The following PPM1E variants were observed in gnomAD, a reference collection of about 807,000 sequenced individuals.
PPM1E encodes protein phosphatase, Mg2+/Mn2+ dependent 1E, also known as protein phosphatase 1E.
A neutral mutation model predicts 65.9 loss-of-function variants in PPM1E; 20 were observed. That is an observed-to-expected ratio of 0.30 (90% confidence interval 0.21 to 0.44). The LOEUF (loss-of-function observed/expected upper bound fraction) is 0.44. Ranked by LOEUF, PPM1E falls within the 20% of genes least tolerant of loss-of-function variation. The probability of loss-of-function intolerance (pLI) is 1.00; values close to 1 mark genes in which losing one functional copy is unlikely to be tolerated. For missense variants in PPM1E, 713 were observed against 953.1 expected (o/e 0.75, Z 3.32); for synonymous variants, 352 against 374.9 (o/e 0.94, Z 0.70).
intron 1 of PPM1E, among the ~76,000 whole-genome samples, chr17:58,767,899 C>G (rs1400038278): frequency 6.6e-6 from 1 of 152,104 alleles, no homozygotes; most frequent in Non-Finnish European, 1.5e-5. Flanking sequence ...ACCTCGGCCT[C>G]CCAAAGTGCT....
intron 1 of PPM1E, among the ~76,000 whole-genome samples, chr17:58,810,853 T>A: frequency 6.6e-6 from 1 of 152,026 alleles, no homozygotes; most frequent in Admixed American, 6.6e-5. Flanking sequence ...ATATGGTCGG[T>A]TTTCTGTTCT....
chr17:58,881,166 T>A (rs539685994), intron 1 of PPM1E, among the ~76,000 whole-genome samples: 1 of 152,334 alleles, frequency 6.6e-6, no homozygotes, highest in South Asian at 2.1e-4. Context: ...TCCTTCTTTT[T>A]CTTTCTCTTT....
intron 1 of PPM1E, among the ~76,000 whole-genome samples, chr17:58,805,980 A>AAAAAC (rs1422405569): frequency 2.0e-4 from 22 of 107,928 alleles, no homozygotes; most frequent in African/African-American, 5.0e-4. Context: ...AAAACAAAAA[A>AAAAAC]AAAACAAAAC....
Position 58,985,178 on chromosome 17 carries a change from C to T in PPM1E, c.*4147C>T, listed in dbSNP as rs2031683007. 1 of 152,522 alleles carries T rather than the reference C, an allele frequency of 6.6e-6. No individual in the cohort carries two copies. Among genetic ancestry groups the T allele is most frequent in the Admixed American group, 6.5e-5 (1 of 15,270 alleles). 9.4% of individuals were successfully genotyped at this position (152,522 alleles called of 1,614,324 possible). A position where few individuals can be genotyped will look rare whatever the true frequency, so the allele number is the denominator to read the frequency against. On this transcript the variant is annotated 3_prime_UTR_variant, in exon 7 of 7. Transcript: ENST00000308249. ...TAATAAAACCTGGCAATTTAAAAAC[C>T]ACTAGTCATTTGTCTTTTTATTTAA...
chr17:58,877,995 T>C (rs928765922), intron 1 of PPM1E, among the ~76,000 whole-genome samples: 1 of 151,690 alleles, frequency 6.6e-6, no homozygotes, highest in Non-Finnish European at 1.5e-5. Flanking sequence ...AAAAAAATTA[T>C]GGTTCTGTTT....
In PPM1E at chr17:58,784,285, A is replaced by T. The variant is rs945069360; in HGVS notation, c.464+27824A>T. On this transcript the variant is annotated intron_variant, in intron 1 of 6. Transcript: ENST00000308249. ...TGTTCTGCCTACCGAGGCCTCTCAAAGTGCTGGGATTACAGGCATGAGCCA... is the reference window on the plus strand; with the variant it reads ...TGTTCTGCCTACCGAGGCCTCTCAATGTGCTGGGATTACAGGCATGAGCCA... 2.0e-5 allele frequency among the ~76,000 whole-genome samples: 3 copies of T among 152,162 alleles called. No individual in the cohort carries two copies. The South Asian group carries it at 6.2e-4, about 32-fold the overall frequency.
At chr17:58,781,343 A>G (rs548733243) in intron 1 of PPM1E, among the ~76,000 whole-genome samples, 1 of 151,644 alleles carries the variant, frequency 6.6e-6, no homozygotes, top group African/African-American at 2.4e-5. Flanking sequence ...GTTTTGCCAC[A>G]TTGGCCAAGC....
intron 1 of PPM1E, among the ~76,000 whole-genome samples, chr17:58,887,913 C>T (rs1000979932): frequency 2.6e-5 from 4 of 152,092 alleles, no homozygotes; most frequent in Non-Finnish European, 5.9e-5. Context: ...GGGAAGTAGT[C>T]TTGAGGCAGT....
At chr17:58,836,817 C>T (rs1426929366) in intron 1 of PPM1E, among the ~76,000 whole-genome samples, 3 of 147,060 alleles carry the variant, frequency 2.0e-5, no homozygotes, top group Admixed American at 6.7e-5. Flanking sequence ...GTCAGGAGAT[C>T]GAGACCATCC....
At chr17:58,891,624 G>GAT (rs1305511573) in intron 1 of PPM1E, among the ~76,000 whole-genome samples, 4 of 151,922 alleles carry the variant, frequency 2.6e-5, no homozygotes, top group Admixed American at 1.3e-4. Flanking sequence ...CGCCTGGCTG[G>GAT]ATATATATCA....
At chr17:58,841,808 A>G (rs1474566096) in intron 1 of PPM1E, among the ~76,000 whole-genome samples, 1 of 152,048 alleles carries the variant, frequency 6.6e-6, no homozygotes, top group Non-Finnish European at 1.5e-5. Flanking sequence ...CTTGGGTTCA[A>G]GCGATTCTCC....
chr17:58,771,172 C>A (rs77912338), intron 1 of PPM1E, among the ~76,000 whole-genome samples: 286 of 151,776 alleles, frequency 1.9e-3, no homozygotes, highest in African/African-American at 6.7e-3. Flanking sequence ...TGTAACTTTT[C>A]TAAGTGGTCG....
At chr17:58,833,774 A>G (rs2050627950) in intron 1 of PPM1E, among the ~76,000 whole-genome samples, 1 of 152,106 alleles carries the variant, frequency 6.6e-6, no homozygotes, top group Admixed American at 6.6e-5. Context: ...CCTGGGTCAA[A>G]TGGTAGTTCT....
At chr17:58,979,050 T>C (rs576146889) in intron 6 of PPM1E, among the ~76,000 whole-genome samples, 1 of 152,286 alleles carries the variant, frequency 6.6e-6, no homozygotes, top group Admixed American at 6.5e-5. Context: ...TGGTGATAAC[T>C]AACTTACCCT....
At chr17:58,891,185 C>T (rs548525814) in intron 1 of PPM1E, among the ~76,000 whole-genome samples, 1 of 152,212 alleles carries the variant, frequency 6.6e-6, no homozygotes, top group Non-Finnish European at 1.5e-5. Flanking sequence ...AGGGTGGTCT[C>T]AAACCCCCGA....
At chr17:58,791,913 T>A (rs2050161086) in intron 1 of PPM1E, among the ~76,000 whole-genome samples, 1 of 152,174 alleles carries the variant, frequency 6.6e-6, no homozygotes, top group Admixed American at 6.6e-5. Flanking sequence ...ACTTTCTGCT[T>A]AATTTCTTTC....
chr17:58,872,842 T>G (rs989216773), intron 1 of PPM1E, among the ~76,000 whole-genome samples: 2 of 152,222 alleles, frequency 1.3e-5, no homozygotes, highest in African/African-American at 4.8e-5. Flanking sequence ...GTCCATATGT[T>G]ATATGTTATA....
chr17:58,785,930 G>A (rs189612538), intron 1 of PPM1E, among the ~76,000 whole-genome samples: 3 of 151,930 alleles, frequency 2.0e-5, no homozygotes, highest in Admixed American at 6.6e-5. Context: ...ATGGGGTTGG[G>A]GGAAGATTCA....
intron 2 of PPM1E, among the ~76,000 whole-genome samples, chr17:58,957,717 TA>T (rs891693365): frequency 9.0e-4 from 134 of 148,290 alleles, no homozygotes; most frequent in East Asian, 3.7e-3. Context: ...AAAACAGTCT[TA>T]AAAAAAAAAA....
Sources: allele counts gnomAD v4.1 joint callset (sites outside exome capture counted in the v4.1 genomes callset), GRCh38; gene constraint gnomAD v4.1.1; transcripts MANE v1.5; gene names NCBI Gene and HGNC (gene_info 2026-07-23, HGNC 2026-07-21).